The following CLYBL variants were observed in gnomAD, a reference collection of about 807,000 sequenced individuals.
CLYBL encodes citramalyl-CoA lyase, mitochondrial.
A neutral mutation model predicts 38.9 loss-of-function variants in CLYBL; 31 were observed. The ratio of observed to expected loss-of-function variants is 0.80; its 90% CI spans 0.60 to 1.08. CLYBL has a LOEUF of 1.08. Among genes scored for constraint, CLYBL ranks in the 50% least tolerant of loss-of-function variants. The probability of loss-of-function intolerance (pLI) is 0.00; values close to 1 mark genes in which losing one functional copy is unlikely to be tolerated. For missense variants in CLYBL, 434 were observed against 411.6 expected (o/e 1.05, Z -0.47); for synonymous variants, 171 against 158.6 (o/e 1.08, Z -0.59).
intron 2 of CLYBL, among the ~76,000 whole-genome samples, chr13:99,838,413 A>C (rs1180952470): frequency 1.3e-5 from 2 of 152,100 alleles, no homozygotes; most frequent in African/African-American, 4.8e-5. Context: ...GCCAGAAAGA[A>C]CCTTAGAGTT....
intron 1 of CLYBL, among the ~76,000 whole-genome samples, chr13:99,663,034 A>C (rs1216953506): frequency 2.0e-5 from 3 of 152,234 alleles, no homozygotes; most frequent in African/African-American, 7.2e-5. Flanking sequence ...ATGTAGCCAA[A>C]TACGGGGAAT....
At chr13:99,634,104 A>G (rs1000311041) in intron 1 of CLYBL, among the ~76,000 whole-genome samples, 10 of 152,208 alleles carry the variant, frequency 6.6e-5, no homozygotes, top group Admixed American at 3.3e-4. Flanking sequence ...CAAAAATAAG[A>G]AAGTCCTGAA....
At chr13:99,621,831 A>G (rs924952942) in intron 1 of CLYBL, among the ~76,000 whole-genome samples, 1 of 151,876 alleles carries the variant, frequency 6.6e-6, no homozygotes, top group Non-Finnish European at 1.5e-5. Flanking sequence ...TTCTTCTTCC[A>G]GTGTGGGGCC....
At chr13:99,654,682 A>T (rs1349778187) in intron 1 of CLYBL, among the ~76,000 whole-genome samples, 2 of 152,216 alleles carry the variant, frequency 1.3e-5, no homozygotes, top group African/African-American at 4.8e-5. Context: ...GGTAAGTCAC[A>T]GTCTTTAGAT....
At chr13:99,880,068 A>ATATATATATATATT (rs34063235) in intron 7 of CLYBL, among the ~76,000 whole-genome samples, 2 of 101,208 alleles carry the variant, frequency 2.0e-5, no homozygotes, top group African/African-American at 8.1e-5. Context: ...ATATATATAT[A>ATATATATATATATT]TTTTTTTTTT....
chr13:99,899,319 T>C (rs180937195), downstream of CLYBL, among the ~76,000 whole-genome samples: 108 of 152,322 alleles, frequency 7.1e-4, no homozygotes, highest in African/African-American at 2.5e-3. Flanking sequence ...GCCAAGACTT[T>C]GTTGGGTCTG....
intron 1 of CLYBL, among the ~76,000 whole-genome samples, chr13:99,676,681 C>T (rs2047658012): frequency 1.3e-5 from 2 of 151,960 alleles, no homozygotes; most frequent in South Asian, 2.1e-4. Context: ...GCAACCTGCA[C>T]CTCCCAGGTT....
chr13:99,801,887 A>G (rs9557310), intron 2 of CLYBL, among the ~76,000 whole-genome samples: 28,451 of 152,020 alleles, frequency 0.19, 3,645 homozygotes, highest in East Asian at 0.37. Flanking sequence ...ATGGTGGCGC[A>G]TGCCTGTAAT....
intron 1 of CLYBL, among the ~76,000 whole-genome samples, chr13:99,685,182 GGTATGGAA>G (rs2047798636): frequency 6.6e-6 from 1 of 152,062 alleles, no homozygotes. Context: ...AGAAGTAATG[GGTATGGAA>G]GTATAGCACA....
intron 1 of CLYBL, among the ~76,000 whole-genome samples, chr13:99,726,810 T>C (rs1026296584): frequency 6.6e-6 from 1 of 152,024 alleles, no homozygotes; most frequent in African/African-American, 2.4e-5. Flanking sequence ...CCAGGGAAGT[T>C]ACCTGGTTAC....
chr13:99,871,162 G>T (rs777042189), intron 7 of CLYBL, 100 bp downstream of exon 7: 6 of 1,359,116 alleles, frequency 4.4e-6, no homozygotes, highest in South Asian at 1.2e-5. Flanking sequence ...AAAACTCATC[G>T]TATCTGGAGA....
intron 2 of CLYBL, among the ~76,000 whole-genome samples, chr13:99,777,014 G>A (rs565584129): frequency 4.9e-4 from 74 of 152,012 alleles, no homozygotes; most frequent in African/African-American, 1.8e-3. Context: ...CAAGTAGCTG[G>A]GATTACAGGT....
At chr13:99,667,187 C>T (rs2047494136) in intron 1 of CLYBL, among the ~76,000 whole-genome samples, 1 of 152,130 alleles carries the variant, frequency 6.6e-6, no homozygotes, top group South Asian at 2.1e-4. Flanking sequence ...GAAGTCACTG[C>T]TCTAGTAGAA....
At chr13:99,843,126 G>A (rs2051123601) in intron 2 of CLYBL, among the ~76,000 whole-genome samples, 4 of 152,172 alleles carry the variant, frequency 2.6e-5, no homozygotes, top group Admixed American at 2.0e-4. Flanking sequence ...GAAGCAGGAT[G>A]GCTTGCAGGA....
intron 1 of CLYBL, among the ~76,000 whole-genome samples, chr13:99,616,817 G>A (rs918836358): frequency 1.3e-5 from 2 of 152,130 alleles, no homozygotes; most frequent in Admixed American, 6.5e-5. Flanking sequence ...TTAGCCTGGT[G>A]TGGTTGCGCA....
At chr13:99,661,521 T>G (rs1440840954) in intron 1 of CLYBL, among the ~76,000 whole-genome samples, 2 of 152,218 alleles carry the variant, frequency 1.3e-5, no homozygotes, top group Non-Finnish European at 2.9e-5. Context: ...TTTTATCCCT[T>G]TTTGCATATG....
chr13:99,770,188 A>G (rs2049356533), intron 1 of CLYBL, among the ~76,000 whole-genome samples: 1 of 148,684 alleles, frequency 6.7e-6, no homozygotes, highest in Non-Finnish European at 1.5e-5. Context: ...CCCGGGTTCA[A>G]GGGATTCTCG....
intron 6 of CLYBL, among the ~76,000 whole-genome samples, chr13:99,866,649 T>C (rs2051754030): frequency 6.7e-6 from 1 of 149,062 alleles, no homozygotes; most frequent in African/African-American, 2.5e-5. Flanking sequence ...TTTTTTTTTT[T>C]CTCTCCATCC....
intron 1 of CLYBL, among the ~76,000 whole-genome samples, chr13:99,635,190 T>G (rs902364118): frequency 2.0e-5 from 3 of 151,972 alleles, no homozygotes; most frequent in Non-Finnish European, 4.4e-5. Context: ...CCCAGGTACG[T>G]TTCATTAGGT....
Sources: gnomAD v4.1 joint callset for allele counts (sites outside exome capture counted in the v4.1 genomes callset) on GRCh38, gnomAD v4.1.1 for gene constraint, MANE v1.5 for transcripts, NCBI Gene and HGNC (gene_info 2026-07-23, HGNC 2026-07-21) for gene names.